ROBO2: variants seen among roughly 807,000 people sequenced by gnomAD.
ROBO2 encodes the protein roundabout homolog 2.
Under a neutral mutation model 160.8 loss-of-function variants are expected in ROBO2, and 53 were observed. The observed-to-expected ratio is 0.33, with a 90% CI of 0.26 to 0.41. The LOEUF (loss-of-function observed/expected upper bound fraction) is 0.41, where lower values mean the gene tolerates loss of function less well. ROBO2 is among the 10% of genes least tolerant of loss of function. The pLI is 1.00. For missense variants in ROBO2, 1,577 were observed against 1,722.4 expected (o/e 0.92, Z 1.49); for synonymous variants, 664 against 611.7 (o/e 1.09, Z -1.26).
At chr3:77,377,171 A>G (rs1376143816) in intron 2 of ROBO2, among the ~76,000 whole-genome samples, 1 of 152,206 alleles carries the variant, frequency 6.6e-6, no homozygotes, top group African/African-American at 2.4e-5. Context: ...TATAAAATAA[A>G]TTTACATTAT....
At chr3:77,442,051 G>A (rs1220600817) in intron 2 of ROBO2, among the ~76,000 whole-genome samples, 1 of 152,100 alleles carries the variant, frequency 6.6e-6, no homozygotes, top group Non-Finnish European at 1.5e-5. Flanking sequence ...GGTGGCTCAC[G>A]CCTATAATCC....
At chr3:76,835,997 T>C (rs1034512914) in intron 2 of ROBO2, among the ~76,000 whole-genome samples, 123 of 152,152 alleles carry the variant, frequency 8.1e-4, no homozygotes, top group African/African-American at 2.8e-3. Context: ...CCCCATCTAA[T>C]AGATGGATTG....
intron 20 of ROBO2, among the ~76,000 whole-genome samples, chr3:77,606,667 A>G (rs775709): frequency 1.3e-5 from 2 of 151,992 alleles, no homozygotes; most frequent in Non-Finnish European, 1.5e-5. Flanking sequence ...TAAATTACAT[A>G]ATATTCAACG....
At chr3:77,534,208 G>T (rs1302439840) in intron 6 of ROBO2, among the ~76,000 whole-genome samples, 1 of 151,762 alleles carries the variant, frequency 6.6e-6, no homozygotes, top group African/African-American at 2.4e-5. Context: ...TTCTTTTGTT[G>T]TACTCAATAC....
intron 2 of ROBO2, among the ~76,000 whole-genome samples, chr3:76,458,882 C>T (rs772276516): frequency 6.6e-6 from 1 of 152,102 alleles, no homozygotes; most frequent in Non-Finnish European, 1.5e-5. Context: ...GATTGAATTA[C>T]CTCCCCCTGG....
At chr3:77,183,103 T>C (rs2080945214) in intron 2 of ROBO2, among the ~76,000 whole-genome samples, 1 of 152,084 alleles carries the variant, frequency 6.6e-6, no homozygotes, top group African/African-American at 2.4e-5. Context: ...TGCTGGCTCC[T>C]GTTTTATCAC....
chr3:76,312,812 C>G (rs2071692635), intron 2 of ROBO2, among the ~76,000 whole-genome samples: 1 of 152,198 alleles, frequency 6.6e-6, no homozygotes, highest in Admixed American at 6.5e-5. Flanking sequence ...CTTTGGAGCT[C>G]TAGCTACCCG....
rs530992491 is a variant in ROBO2 at position 77,217,081 on chromosome 3, ATCTT to A, written c.388+118763_388+118766del. ...GACACCCATACATGCAAGGCCCTTA[ATCTT>A]TCTTTCTTTCTTTCTTTCTTTTTTC... On this transcript the variant is annotated intron_variant, in intron 2 of 25. Coordinates refer to ENST00000461745, the Ensembl canonical transcript of ROBO2. 3.8e-3 allele frequency among the ~76,000 whole-genome samples: 572 copies of A among 151,812 alleles called. 1 individual carries two copies. Among genetic ancestry groups the A allele is most frequent in the African/African-American group, 0.013 (528 of 41,428 alleles).
intron 2 of ROBO2, among the ~76,000 whole-genome samples, chr3:76,943,248 G>A (rs1240704305): frequency 6.6e-6 from 1 of 152,096 alleles, no homozygotes; most frequent in Non-Finnish European, 1.5e-5. Flanking sequence ...ATTTGCGCTG[G>A]GGAATTCCCT....
At chr3:77,001,351 TGTCACTG>T (rs761282280) in intron 2 of ROBO2, among the ~76,000 whole-genome samples, 22 of 152,296 alleles carry the variant, frequency 1.4e-4, no homozygotes, top group Admixed American at 3.3e-4. Flanking sequence ...TTCTGGTTCT[TGTCACTG>T]GTCAACATAT....
intron 2 of ROBO2, among the ~76,000 whole-genome samples, chr3:76,681,091 A>C (rs1052907595): frequency 1.3e-5 from 2 of 152,168 alleles, no homozygotes; most frequent in Non-Finnish European, 2.9e-5. Context: ...TTATATTTTA[A>C]GTAAACAGTT....
intron 2 of ROBO2, among the ~76,000 whole-genome samples, chr3:77,162,126 C>T (rs1166953048): frequency 6.6e-6 from 1 of 151,756 alleles, no homozygotes; most frequent in African/African-American, 2.4e-5. Flanking sequence ...TATGTCATAG[C>T]TTCTCAGTAT....
At chr3:76,269,275 A>G (rs554058871) in intron 2 of ROBO2, among the ~76,000 whole-genome samples, 1 of 152,070 alleles carries the variant, frequency 6.6e-6, no homozygotes, top group Non-Finnish European at 1.5e-5. Context: ...CGTCTCATGT[A>G]CCTCACAAAT....
At chr3:77,303,909 A>T (rs1304192165) in intron 2 of ROBO2, among the ~76,000 whole-genome samples, 1 of 152,142 alleles carries the variant, frequency 6.6e-6, no homozygotes, top group Non-Finnish European at 1.5e-5. Flanking sequence ...TCACATTTCA[A>T]CTTCACCTTT....
intron 2 of ROBO2, among the ~76,000 whole-genome samples, chr3:76,612,786 G>A (rs2088237621): frequency 6.6e-6 from 1 of 152,126 alleles, no homozygotes; most frequent in South Asian, 2.1e-4. Flanking sequence ...ATTCACAACT[G>A]TTATATCCTC....
intron 2 of ROBO2, among the ~76,000 whole-genome samples, chr3:77,331,339 T>A (rs1450186583): frequency 1.3e-5 from 2 of 152,206 alleles, no homozygotes; most frequent in African/African-American, 4.8e-5. Context: ...TTAGGGAGAC[T>A]GTTTAATGAG....
intron 2 of ROBO2, among the ~76,000 whole-genome samples, chr3:77,339,165 G>A (rs923437348): frequency 7.9e-5 from 12 of 151,970 alleles, no homozygotes; most frequent in African/African-American, 2.9e-4. Flanking sequence ...TTTGCCAAAT[G>A]ATAAAAAAAT....
chr3:76,815,737 C>G (rs564773263), intron 2 of ROBO2, among the ~76,000 whole-genome samples: 1 of 152,072 alleles, frequency 6.6e-6, no homozygotes, highest in African/African-American at 2.4e-5. Flanking sequence ...ATGCACATAC[C>G]ATTTTCCTCC....
At position 76,675,386 on chromosome 3, in the gene ROBO2, A is replaced by G. The variant is rs536759388; in HGVS notation, c.110-422628A>G. The stretch of plus-strand genomic sequence containing the variant: ...TGCAGAAAAAATCTTACATTTCTCT[A>G]GAGTTTTTGCTCCCTTTGAGAACAA... On this transcript the variant is annotated intron_variant, in intron 2 of 26. Coordinates refer to the ROBO2 transcript ENST00000487694. Among the ~76,000 whole-genome samples, 11 of 152,130 alleles carry G rather than the reference A, an allele frequency of 7.2e-5. 1 individual carries two copies. In the South Asian group the frequency reaches 2.3e-3, roughly 32 times the overall value.
Sources: allele counts gnomAD v4.1 joint callset (sites outside exome capture counted in the v4.1 genomes callset), GRCh38; gene constraint gnomAD v4.1.1; transcripts MANE v1.5; gene names NCBI Gene and HGNC (gene_info 2026-07-23, HGNC 2026-07-21).